Variants in PKHD1 observed in about 807,000 individuals in gnomAD.
The protein encoded by PKHD1 is fibrocystin.
A neutral mutation model predicts 412.0 loss-of-function variants in PKHD1; 291 were observed. The ratio of observed to expected loss-of-function variants is 0.71; its 90% confidence interval spans 0.64 to 0.78. PKHD1 has a LOEUF of 0.78. PKHD1 is among the 30% of genes least tolerant of loss of function. PKHD1 has a pLI of 0.00. For missense variants in PKHD1, 4,825 were observed against 4,950.7 expected, an observed-to-expected ratio of 0.97 and a Z score of 0.76; for synonymous variants, 1,777 against 1,821.5, an observed-to-expected ratio of 0.98 and a Z score of 0.62.
chr6:51,621,263 A>G (rs1561972146), intron 66 of PKHD1, among the ~76,000 whole-genome samples: 1 of 152,176 alleles, frequency 6.6e-6, no homozygotes, highest in Admixed American at 6.5e-5. Context: ...TCCTCTGCCA[A>G]GCACTGAGCT....
intron 34 of PKHD1, 66 bp downstream of exon 34, chr6:52,017,344 A>T: frequency 8.7e-7 from 1 of 1,152,060 alleles, no homozygotes; most frequent in Non-Finnish European, 1.3e-6. Flanking sequence ...ACACTCTCTG[A>T]TGGCTCCATC....
chr6:52,019,265 C>G (rs1254435395), intron 33 of PKHD1, among the ~76,000 whole-genome samples: 1 of 152,202 alleles, frequency 6.6e-6, no homozygotes, highest in South Asian at 2.1e-4. Context: ...TGTGCTTCCC[C>G]GCCTCATTAC....
chr6:51,756,133 G>A (rs1355334315), intron 55 of PKHD1, among the ~76,000 whole-genome samples: 1 of 152,078 alleles, frequency 6.6e-6, no homozygotes, highest in Non-Finnish European at 1.5e-5. Context: ...CCTAAGGTTG[G>A]AGAAAGAGTC....
intron 4 of PKHD1, among the ~76,000 whole-genome samples, chr6:52,081,755 G>T (rs1812067671): frequency 1.3e-5 from 2 of 152,176 alleles, no homozygotes; most frequent in African/African-American, 4.8e-5. Context: ...ACATGGAAGA[G>T]GGGGAGACTT....
intron 48 of PKHD1, among the ~76,000 whole-genome samples, chr6:51,862,215 G>T (rs948113008): frequency 1.6e-4 from 25 of 152,174 alleles, no homozygotes; most frequent in Non-Finnish European, 3.2e-4. Context: ...GCATGTGAGA[G>T]TATTTTCACT....
At chr6:51,968,610 G>A (rs1289296498) in intron 35 of PKHD1, among the ~76,000 whole-genome samples, 3 of 152,094 alleles carry the variant, frequency 2.0e-5, no homozygotes, top group Non-Finnish European at 4.4e-5. Flanking sequence ...CCAAGACTTC[G>A]GATTACTTCA....
intron 51 of PKHD1, among the ~76,000 whole-genome samples, chr6:51,832,339 G>C (rs774024788): frequency 1.3e-5 from 2 of 152,002 alleles, no homozygotes; most frequent in Non-Finnish European, 2.9e-5. Flanking sequence ...TGACAAGAGG[G>C]TTGCACTGCA....
In PKHD1 at chr6:51,659,124, C is replaced by A. The variant is rs114237522; in HGVS notation, c.11002G>T (p.Asp3668Tyr). The change falls in exon 61 of 67, where the codon GAT becomes TAT. Residue 3668 changes from aspartate (D) to tyrosine (Y), a missense_variant. Asp to Tyr is a radical substitution (Grantham distance 160). Transcript: ENST00000371117. ...CCAGTGCTCCTTACTGTTGGCGAAT[C>A]ACCAATTTCAATGACAATCACTTTT... ...ISKVIVIEIG[D>Y]SPTVRSTGMI... The A allele has an allele frequency of 1.5e-4, 249 of 1,613,832 alleles. No individual in the cohort carries two copies. In the African/African-American group the frequency reaches 3.2e-3, roughly 21 times the overall value.
intron 46 of PKHD1, among the ~76,000 whole-genome samples, chr6:51,872,508 A>T (rs563771782): frequency 6.6e-6 from 1 of 152,048 alleles, no homozygotes; most frequent in South Asian, 2.1e-4. Flanking sequence ...TCCTGGGTTG[A>T]AGTGATTCTC....
At chr6:51,867,385 T>C (rs1307319732) in intron 48 of PKHD1, among the ~76,000 whole-genome samples, 2 of 152,040 alleles carry the variant, frequency 1.3e-5, no homozygotes, top group Non-Finnish European at 2.9e-5. Flanking sequence ...CAATAGTTCA[T>C]GAAATTAACA....
chr6:51,672,322 C>T (rs1465243318), intron 60 of PKHD1, among the ~76,000 whole-genome samples: 2 of 152,200 alleles, frequency 1.3e-5, no homozygotes, highest in African/African-American at 2.4e-5. Flanking sequence ...AATGCTGTAG[C>T]TAGTCCACTG....
At chr6:52,071,138 C>A in intron 8 of PKHD1, 68 bp from the exon 9 acceptor site, 1 of 1,117,028 alleles carries the variant, frequency 9.0e-7, no homozygotes, top group Non-Finnish European at 1.4e-6. Context: ...GACTCTTTAA[C>A]CAGGAAAGTA....
At chr6:51,988,688 T>C (rs1221814200) in intron 35 of PKHD1, among the ~76,000 whole-genome samples, 2 of 152,226 alleles carry the variant, frequency 1.3e-5, no homozygotes, top group East Asian at 3.8e-4. Context: ...TTTACACCTG[T>C]AGATCCATTT....
chr6:52,027,784 T>G, intron 31 of PKHD1, 45 bp downstream of exon 31: 1 of 1,359,148 alleles, frequency 7.4e-7, no homozygotes, highest in South Asian at 1.2e-5. Flanking sequence ...ATCCAGCAAA[T>G]AGAATTGCTG....
intron 46 of PKHD1, among the ~76,000 whole-genome samples, chr6:51,881,009 G>A (rs530625385): frequency 6.7e-6 from 1 of 149,256 alleles, no homozygotes; most frequent in African/African-American, 2.4e-5. Context: ...GGAATGGCAG[G>A]CACAAAAGAC....
intron 13 of PKHD1, 68 bp downstream of exon 13, chr6:52,064,887 T>G: frequency 1.2e-6 from 1 of 807,298 alleles, no homozygotes; most frequent in Non-Finnish European, 2.1e-6. Flanking sequence ...CACTTTTATT[T>G]CTACTCGCCA....
chr6:51,805,379 C>T lies in PKHD1; in HGVS notation c.8303-14006G>A, dbSNP rs144253394. Among the ~76,000 whole-genome samples, 546 of 152,082 alleles carry T rather than the reference C, an allele frequency of 3.6e-3. 3 individuals carry two copies. Among genetic ancestry groups the T allele is most frequent in the Middle Eastern group, 0.017 (5 of 294 alleles). Reference sequence around the variant, plus strand: ...ATAACACACTAGAGACTGCTAGAGACGGAAAGAAGGGATGAAGGCAAGGGC... The same window carrying T: ...ATAACACACTAGAGACTGCTAGAGATGGAAAGAAGGGATGAAGGCAAGGGC... On this transcript the variant is annotated intron_variant, in intron 52 of 66. Transcript: ENST00000371117.
At chr6:51,987,100 T>C (rs1337817271) in intron 35 of PKHD1, among the ~76,000 whole-genome samples, 1 of 152,194 alleles carries the variant, frequency 6.6e-6, no homozygotes, top group Non-Finnish European at 1.5e-5. Flanking sequence ...GACATCAAGA[T>C]AGAACACCAA....
intron 35 of PKHD1, 55 bp from the exon 36 acceptor site, chr6:51,960,081 G>C (rs1044240003): frequency 6.4e-7 from 1 of 1,570,358 alleles, no homozygotes; most frequent in Middle Eastern, 1.7e-4. Flanking sequence ...CTGGTCTGTT[G>C]CTTCGTTGGT....
Sources: gnomAD v4.1 joint callset for allele counts (sites outside exome capture counted in the v4.1 genomes callset) on GRCh38, gnomAD v4.1.1 for gene constraint, MANE v1.5 for transcripts, NCBI Gene and HGNC (gene_info 2026-07-23, HGNC 2026-07-21) for gene names.